CLIC1: variants seen among roughly 807,000 people sequenced by gnomAD.
CLIC1 encodes CLIC family member 1, also known as chloride intracellular channel protein 1.
Under a neutral mutation model 26.4 loss-of-function variants are expected in CLIC1, and 16 were observed. The ratio of observed to expected loss-of-function variants is 0.61; its 90% confidence interval spans 0.41 to 0.92. The LOEUF (loss-of-function observed/expected upper bound fraction) is 0.92. CLIC1 is among the 40% of genes least tolerant of loss of function. The probability of loss-of-function intolerance (pLI) is 0.00; values close to 1 mark genes in which losing one functional copy is unlikely to be tolerated. For missense variants in CLIC1, 225 were observed against 289.7 expected (o/e 0.78, Z 1.62); for synonymous variants, 98 against 120.8 (o/e 0.81, Z 1.24).
In CLIC1 at chr6:31,734,844, C is replaced by T. The variant is rs1808224025; in HGVS notation, c.40-581G>A. Among the ~76,000 whole-genome samples the T allele has an allele frequency of 6.6e-6, 1 of 152,116 alleles. No individual in the cohort carries two copies. Among genetic ancestry groups the T allele is most frequent in the Non-Finnish European group, 1.5e-5 (1 of 68,010 alleles). On this transcript the variant is annotated intron_variant, in intron 1 of 5. Transcript: ENST00000375784. The surrounding 1 kb of genome is among the most constrained non-coding windows in gnomAD (Gnocchi z 5.3). ...TCCCCCTAAGCTGAGGGTGATTCAT[C>T]TCTCTGTCTCCGGCTTCCTTCCTGT...
In CLIC1 at chr6:31,736,506, G is replaced by A. The variant is rs913739923; in HGVS notation, c.-206C>T. On this transcript the variant is annotated 5_prime_UTR_variant, in exon 1 of 6. Coordinates refer to ENST00000375784, the Ensembl canonical transcript of CLIC1. This position sits in a 1 kb window ranked among gnomAD's most constrained non-coding sequence, Gnocchi z 5.0. ...ACCCCACACCCAGCTCCTCCAGCTC[G>A]GTCCTCTCCCGGGCTGGATCAGAGA... 4 of 1,392,296 alleles carry A rather than the reference G, an allele frequency of 2.9e-6. No homozygotes were observed. Among genetic ancestry groups the A allele is most frequent in the Admixed American group, 5.9e-5 (2 of 33,742 alleles). The allele number at this position is 1,392,296 out of a possible 1,614,324, so 86.2% of individuals were successfully genotyped here. A position where few individuals can be genotyped will look rare whatever the true frequency, so the allele number is the denominator to read the frequency against.
rs573097614 is a variant in CLIC1, at chr6:31,736,307, G to C, written c.-7C>G. The stretch of plus-strand genomic sequence containing the variant: ...GCGGTTGTTCTTCAGCCATGGTTGC[G>C]TCGGGGACCAGGAAGTGGCCGTCCC... On this transcript the variant is annotated 5_prime_UTR_variant, in exon 1 of 6. Coordinates refer to ENST00000375784, the Ensembl canonical transcript of CLIC1. The surrounding 1 kb of genome is among the most constrained non-coding windows in gnomAD (Gnocchi z 5.0). 1.9e-6 allele frequency: 3 copies of C among 1,612,792 alleles called. No individual in the cohort carries two copies. Among genetic ancestry groups the C allele is most frequent in the South Asian group, 1.1e-5 (1 of 91,072 alleles).
Position 31,730,918 on chromosome 6 carries a change from TC to T in CLIC1, c.649del (p.Glu217LysfsTer?). On this transcript the variant is annotated frameshift_variant, in exon 6 of 6. Coordinates refer to ENST00000375784, the Ensembl canonical transcript of CLIC1. LOFTEE classifies it high-confidence loss of function. This position sits in a 1 kb window ranked among gnomAD's most constrained non-coding sequence, Gnocchi z 5.1. ...ATCTGGACAGGTGGAAGCGAATTCT[TC>T]CCGGGCGTAGGCATTGCTCAAGTAC... 1 of 1,613,074 alleles carries T rather than the reference TC, an allele frequency of 6.2e-7. No homozygotes were observed. Among genetic ancestry groups the T allele is most frequent in the Non-Finnish European group, 8.5e-7 (1 of 1,180,026 alleles).
In CLIC1 at chr6:31,736,373, T is replaced by C; in HGVS notation, c.-73A>G. 6.2e-7 allele frequency: 1 copy of C among 1,610,510 alleles called. No homozygotes were observed. The highest frequency in any genetic ancestry group is 2.2e-5 in the East Asian group (1 of 44,862). On this transcript the variant is annotated 5_prime_UTR_variant, in exon 1 of 6. Coordinates refer to ENST00000375784, the Ensembl canonical transcript of CLIC1. This position sits in a 1 kb window ranked among gnomAD's most constrained non-coding sequence, Gnocchi z 5.0. ...GGGCTGGGACCGGGGAAGGCGGGTC[T>C]CACACTCAGGGACTCTCTCCCCTAG...
chr6:31,735,873 C>G (rs560883633), intron 1 of CLIC1, among the ~76,000 whole-genome samples: 1 of 151,244 alleles, frequency 6.6e-6, no homozygotes, highest in Non-Finnish European at 1.5e-5. Flanking sequence ...ACTACTCACC[C>G]TCAGATCTTG....
chr6:31,735,132 G>A (rs1808239456), intron 1 of CLIC1, among the ~76,000 whole-genome samples: 1 of 151,362 alleles, frequency 6.6e-6, no homozygotes, highest in Non-Finnish European at 1.5e-5. Flanking sequence ...AGAGGGAATG[G>A]CTGCCCGAGA....
chr6:31,734,031 C>T lies in CLIC1; in HGVS notation c.150-70G>A, dbSNP rs1380551425. 58 of 1,598,586 alleles carry T rather than the reference C, an allele frequency of 3.6e-5. No homozygotes were observed. The highest frequency in any genetic ancestry group is 4.6e-5 in the Non-Finnish European group (54 of 1,170,324). ...AGAACCAGAAAGGGGGAATGGAGGACGTGGGATAAGAAAGGGACTCCAGGG... is the reference window on the plus strand; with the variant it reads ...AGAACCAGAAAGGGGGAATGGAGGATGTGGGATAAGAAAGGGACTCCAGGG... On this transcript the variant is annotated intron_variant, in intron 2 of 5. Transcript: ENST00000375784. This position sits in a 1 kb window ranked among gnomAD's most constrained non-coding sequence, Gnocchi z 5.3.
Position 31,730,911 on chromosome 6 carries a change from G to T in CLIC1, c.657C>A (p.Phe219Leu). 1.2e-6 allele frequency: 2 copies of T among 1,613,106 alleles called. No homozygotes were observed. Among genetic ancestry groups the T allele is most frequent in the South Asian group, 1.1e-5 (1 of 91,080 alleles). The change falls in exon 6 of 6, where the codon TTC becomes TTA. Residue 219 changes from phenylalanine (F) to leucine (L), a missense_variant. Physicochemically the swap from Phe to Leu is conservative, Grantham distance 22. Transcript: ENST00000375784. The surrounding 1 kb of genome is among the most constrained non-coding windows in gnomAD (Gnocchi z 5.1). Reference sequence around the variant, plus strand: ...CCTCATCATCTGGACAGGTGGAAGCGAATTCTTCCCGGGCGTAGGCATTGC... The same window carrying T: ...CCTCATCATCTGGACAGGTGGAAGCTAATTCTTCCCGGGCGTAGGCATTGC...
chr6:31,734,908 G>A lies in CLIC1; in HGVS notation c.40-645C>T, dbSNP rs908827646. The stretch of plus-strand genomic sequence containing the variant: ...GAAGGGACAGTGAGGATGAGGCCTG[G>A]GCAGCTAAGGCTACCCCTAACCTGC... On this transcript the variant is annotated intron_variant, in intron 1 of 5. Transcript: ENST00000375784. The surrounding 1 kb of genome is among the most constrained non-coding windows in gnomAD (Gnocchi z 5.3). Among the ~76,000 whole-genome samples the A allele has an allele frequency of 4.6e-5, 7 of 151,968 alleles. No homozygotes were observed. Among genetic ancestry groups the A allele is most frequent in the African/African-American group, 1.7e-4 (7 of 41,360 alleles).
At position 31,734,045 on chromosome 6, in the gene CLIC1, G is replaced by A. The variant is rs1808172408; in HGVS notation, c.150-84C>T. 6.3e-7 allele frequency: 1 copy of A among 1,592,930 alleles called. No homozygotes were observed. Among genetic ancestry groups the A allele is most frequent in the Admixed American group, 1.7e-5 (1 of 59,460 alleles). On this transcript the variant is annotated intron_variant, in intron 2 of 5. Transcript: ENST00000375784. This position sits in a 1 kb window ranked among gnomAD's most constrained non-coding sequence, Gnocchi z 5.3. The stretch of plus-strand genomic sequence containing the variant: ...GGAATGGAGGACGTGGGATAAGAAA[G>A]GGACTCCAGGGGGAGGGCAAAAATG...
intron 5 of CLIC1, among the ~76,000 whole-genome samples, chr6:31,731,968 G>A (rs1236526277): frequency 5.9e-5 from 9 of 152,158 alleles, no homozygotes; most frequent in African/African-American, 2.2e-4. Flanking sequence ...GTAATACTGG[G>A]ATGTATTCCT....
chr6:31,734,026 G>A lies in CLIC1; in HGVS notation c.150-65C>T. 6 of 1,601,816 alleles carry A rather than the reference G, an allele frequency of 3.7e-6. No homozygotes were observed. The highest frequency in any genetic ancestry group is 5.1e-6 in the Non-Finnish European group (6 of 1,172,076). On this transcript the variant is annotated intron_variant, in intron 2 of 5. Transcript: ENST00000375784. The surrounding 1 kb of genome is among the most constrained non-coding windows in gnomAD (Gnocchi z 5.3). ...CAGGAAGAACCAGAAAGGGGGAATG[G>A]AGGACGTGGGATAAGAAAGGGACTC...
At position 31,732,201 on chromosome 6, in the gene CLIC1, C is replaced by T. The variant is rs372689113; in HGVS notation, c.564+16G>A. Reference sequence around the variant, plus strand: ...CACTCCAGTGGTCATCCTCTCCTCCCGCAATAACCACACACCTGTACTATG... The same window carrying T: ...CACTCCAGTGGTCATCCTCTCCTCCTGCAATAACCACACACCTGTACTATG... On this transcript the variant is annotated intron_variant, in intron 5 of 5. Transcript: ENST00000375784. This position sits in a 1 kb window ranked among gnomAD's most constrained non-coding sequence, Gnocchi z 5.0. 6 of 1,428,516 alleles carry T rather than the reference C, an allele frequency of 4.2e-6. No individual in the cohort carries two copies. Among genetic ancestry groups the T allele is most frequent in the South Asian group, 3.2e-5 (2 of 61,546 alleles). 88.5% of individuals were successfully genotyped at this position (1,428,516 alleles called of 1,614,324 possible). A position where few individuals can be genotyped will look rare whatever the true frequency, so the allele number is the denominator to read the frequency against.
chr6:31,734,199 C>G lies in CLIC1; in HGVS notation c.104G>C (p.Trp35Ser). 1 of 1,614,214 alleles carries G rather than the reference C, an allele frequency of 6.2e-7. No homozygotes were observed. Among genetic ancestry groups the G allele is most frequent in the South Asian group, 1.1e-5 (1 of 91,086 alleles). ...AACATTGAAGGTGACTCCCTTGAGC[C>G]ACAGTACCATGAACAGTCTCTGGGA... is the stretch of plus-strand genomic sequence containing the variant. Residue 35 changes from tryptophan (W) to serine (S), a missense_variant, in exon 2 of 6, where the codon TGG becomes TCG. Trp to Ser is a radical substitution (Grantham distance 177). Coordinates refer to ENST00000375784, the Ensembl canonical transcript of CLIC1. This position sits in a 1 kb window ranked among gnomAD's most constrained non-coding sequence, Gnocchi z 5.3.
In CLIC1 at chr6:31,732,283, C is replaced by A; in HGVS notation, c.498G>T (p.Lys166Asn). Residue 166 changes from lysine to asparagine, a missense_variant, in exon 5 of 6, where the codon AAG (lysine) becomes AAT (asparagine). Physicochemically the swap from Lys to Asn is moderately conservative, Grantham distance 94. Transcript: ENST00000375784. This position sits in a 1 kb window ranked among gnomAD's most constrained non-coding sequence, Gnocchi z 5.0. Reference sequence around the variant, plus strand: ...GGGTGAGCTCGTTGCCATCCAAAAACTTCCTCTGAGAGACACCTTCATCTT... The same window carrying A: ...GGGTGAGCTCGTTGCCATCCAAAAAATTCCTCTGAGAGACACCTTCATCTT... 6.3e-7 allele frequency: 1 copy of A among 1,598,216 alleles called. No individual in the cohort carries two copies. Among genetic ancestry groups the A allele is most frequent in the South Asian group, 1.1e-5 (1 of 87,852 alleles).
intron 1 of CLIC1, among the ~76,000 whole-genome samples, chr6:31,735,807 C>CCACACACACACACACACACACACACA (rs9281564): frequency 1.6e-5 from 2 of 124,980 alleles, no homozygotes; most frequent in East Asian, 4.9e-4. Context: ...GCGTCTCCAT[C>CCACACACACACACACACACACACACA]CACACACACA....
chr6:31,735,147 C>T (rs1229077252), intron 1 of CLIC1, among the ~76,000 whole-genome samples: 1 of 150,918 alleles, frequency 6.6e-6, no homozygotes, highest in African/African-American at 2.4e-5. Context: ...CCGAGAAACC[C>T]AAGCAGAAGG....
intron 1 of CLIC1, among the ~76,000 whole-genome samples, chr6:31,735,641 C>T (rs1044973238): frequency 2.6e-5 from 4 of 152,024 alleles, no homozygotes; most frequent in African/African-American, 9.7e-5. Flanking sequence ...CTGTCCCTTT[C>T]CCCAGTCCTG....
chr6:31,734,821 C>T lies in CLIC1; in HGVS notation c.40-558G>A, dbSNP rs954551379. ...ACCTCATTGGCCCAAGGGACACCTC[C>T]CCCTAAGCTGAGGGTGATTCATCTC... On this transcript the variant is annotated intron_variant, in intron 1 of 5. Transcript: ENST00000375784. This position sits in a 1 kb window ranked among gnomAD's most constrained non-coding sequence, Gnocchi z 5.3. 1.3e-5 allele frequency among the ~76,000 whole-genome samples: 2 copies of T among 152,104 alleles called. No individual in the cohort carries two copies. Among genetic ancestry groups the T allele is most frequent in the Admixed American group, 1.3e-4 (2 of 15,268 alleles).
Sources: allele counts gnomAD v4.1 joint callset (sites outside exome capture counted in the v4.1 genomes callset), GRCh38; gene constraint gnomAD v4.1.1; non-coding constraint Gnocchi (gnomAD v3.1); transcripts MANE v1.5; gene names NCBI Gene and HGNC (gene_info 2026-07-23, HGNC 2026-07-21).